Variants in CSMD1 observed in about 807,000 individuals in gnomAD.
The protein encoded by CSMD1 is CUB and Sushi multiple domains 1, also known as CUB and sushi domain-containing protein 1.
In CSMD1, 213 loss-of-function variants were observed where a neutral mutation model predicts 417.5. The ratio of observed to expected loss-of-function variants is 0.51; its 90% CI spans 0.46 to 0.57. The LOEUF (loss-of-function observed/expected upper bound fraction) is 0.57. Among genes scored for constraint, CSMD1 ranks in the 20% least tolerant of loss-of-function variants. The pLI, the probability that CSMD1 is intolerant of heterozygous loss-of-function variation, is 0.00. For synonymous variants in CSMD1, 2,862 were observed against 1,736.8 expected, an observed-to-expected ratio of 1.65 and a Z score of -16.11; for missense variants, 6,923 against 4,529.7, an observed-to-expected ratio of 1.53 and a Z score of -15.17.
At chr8:3,285,262 C>G (rs529609095) in intron 25 of CSMD1, among the ~76,000 whole-genome samples, 25 of 152,278 alleles carry the variant, frequency 1.6e-4, no homozygotes, top group East Asian at 3.9e-4. Flanking sequence ...ACTTATGTCA[C>G]CCTGTGTAAG....
rs1042847025 is a variant in CSMD1 at position 3,534,724 on chromosome 8, A to T, written c.1344+40221T>A. On this transcript the variant is annotated intron_variant, in intron 10 of 69. Transcript: ENST00000635120. ...CTTCTAGTCCCAGAGCCTTTAAGCA[A>T]CAACTGCATAAGCATCCAGGTTGAG... Among the ~76,000 whole-genome samples the T allele has an allele frequency of 2.0e-5, 3 of 152,308 alleles. No individual in the cohort carries two copies. In the South Asian group the frequency reaches 6.2e-4, roughly 32 times the overall value.
At chr8:3,761,460 A>G (rs563293825) in intron 5 of CSMD1, among the ~76,000 whole-genome samples, 35 of 151,962 alleles carry the variant, frequency 2.3e-4, no homozygotes, top group South Asian at 8.3e-4. Flanking sequence ...ACTGTACCAC[A>G]GAAGAGTTTT....
chr8:4,200,026 T>C (rs180798641), intron 3 of CSMD1, among the ~76,000 whole-genome samples: 3 of 152,308 alleles, frequency 2.0e-5, no homozygotes, highest in East Asian at 1.9e-4. Context: ...GAAAATTATG[T>C]TGAGGTGCCA....
At chr8:4,477,528 C>G (rs547048660) in intron 2 of CSMD1, among the ~76,000 whole-genome samples, 1 of 152,176 alleles carries the variant, frequency 6.6e-6, no homozygotes. Flanking sequence ...CATTTTCACA[C>G]GATGCTCTAT....
chr8:4,271,165 G>A (rs1443379410), intron 3 of CSMD1, among the ~76,000 whole-genome samples: 1 of 152,030 alleles, frequency 6.6e-6, no homozygotes, highest in East Asian at 1.9e-4. Context: ...GATATCATTT[G>A]CATTACATAT....
intron 2 of CSMD1, among the ~76,000 whole-genome samples, chr8:4,559,093 C>G (rs1798217235): frequency 6.6e-6 from 1 of 152,142 alleles, no homozygotes; most frequent in Admixed American, 6.5e-5. Context: ...AACTCTGCTG[C>G]TGCATGTTTA....
intron 6 of CSMD1, among the ~76,000 whole-genome samples, chr8:3,741,203 G>C (rs1034864965): frequency 4.7e-5 from 5 of 106,848 alleles, no homozygotes; most frequent in African/African-American, 1.8e-4. Flanking sequence ...AACAGAGCAA[G>C]ACTCCGTCTT....
intron 1 of CSMD1, among the ~76,000 whole-genome samples, chr8:4,956,004 C>A (rs1425402300): frequency 6.6e-6 from 1 of 152,218 alleles, no homozygotes; most frequent in African/African-American, 2.4e-5. Flanking sequence ...GGATTCTAGA[C>A]AACTACTCTC....
chr8:3,166,152 TTC>T (rs1371244678), intron 37 of CSMD1, among the ~76,000 whole-genome samples: 3 of 152,180 alleles, frequency 2.0e-5, no homozygotes, highest in Non-Finnish European at 4.4e-5. Context: ...GTATACATAA[TTC>T]TCTTTTTAGA....
intron 3 of CSMD1, among the ~76,000 whole-genome samples, chr8:4,279,825 C>G (rs966323356): frequency 7.2e-5 from 11 of 152,148 alleles, no homozygotes; most frequent in Admixed American, 2.0e-4. Context: ...GATAAAAAGA[C>G]TGAGTGCTTG....
chr8:3,462,410 C>T (rs1025057026), intron 12 of CSMD1, among the ~76,000 whole-genome samples: 13 of 152,168 alleles, frequency 8.5e-5, no homozygotes, highest in South Asian at 2.1e-4. Context: ...CAGCAGGCAA[C>T]GGAGCATTAC....
chr8:4,766,399 C>A (rs552710057), intron 1 of CSMD1, among the ~76,000 whole-genome samples: 109 of 152,268 alleles, frequency 7.2e-4, no homozygotes, highest in Non-Finnish European at 1.3e-3. Context: ...GAACATCGTC[C>A]AAAGCCGTGA....
chr8:3,074,029 G>T (rs1813478028), intron 49 of CSMD1, among the ~76,000 whole-genome samples: 2 of 152,238 alleles, frequency 1.3e-5, no homozygotes, highest in South Asian at 4.1e-4. Flanking sequence ...CTCACCCTGA[G>T]GGTGGCAGCG....
intron 26 of CSMD1, among the ~76,000 whole-genome samples, chr8:3,253,513 G>A (rs963783222): frequency 2.6e-5 from 4 of 152,120 alleles, no homozygotes; most frequent in African/African-American, 9.7e-5. Flanking sequence ...CTGTTGATTT[G>A]GGGTGGAGAG....
rs938873651 is a variant in CSMD1, at chr8:4,722,122, T to C, written c.86-84564A>G. On this transcript the variant is annotated intron_variant, in intron 1 of 69. Coordinates refer to ENST00000635120, the MANE Select transcript of CSMD1 (RefSeq NM_033225.6). Reference sequence around the variant, plus strand: ...ATGAAAACTATAGGTAATAGTGTTATGTTGTATACTGGAAATTTACTAAGA... The same window carrying C: ...ATGAAAACTATAGGTAATAGTGTTACGTTGTATACTGGAAATTTACTAAGA... 6.6e-5 allele frequency among the ~76,000 whole-genome samples: 10 copies of C among 152,266 alleles called. 1 individual carries two copies. The South Asian group carries it at 1.9e-3, about 28-fold the overall frequency.
At chr8:3,775,710 G>A (rs1456145048) in intron 5 of CSMD1, among the ~76,000 whole-genome samples, 3 of 152,170 alleles carry the variant, frequency 2.0e-5, no homozygotes, top group East Asian at 3.9e-4. Context: ...CCTAAATGAT[G>A]CACGCAAACA....
chr8:4,319,800 C>T lies in CSMD1; in HGVS notation c.415+100153G>A, dbSNP rs533132225. On this transcript the variant is annotated intron_variant, in intron 3 of 69. Transcript: ENST00000635120. Reference sequence around the variant, plus strand: ...ATACCAGAGAGAGAAGAGAGCTTCACAAGAGATGTGTAGAGGACCCTCGGG... The same window carrying T: ...ATACCAGAGAGAGAAGAGAGCTTCATAAGAGATGTGTAGAGGACCCTCGGG... Among the ~76,000 whole-genome samples, 174 of 152,216 alleles carry T rather than the reference C, an allele frequency of 1.1e-3. 1 individual carries two copies. The highest frequency in any genetic ancestry group is 3.8e-3 in the African/African-American group (157 of 41,532).
intron 1 of CSMD1, among the ~76,000 whole-genome samples, chr8:4,648,990 T>A (rs372247568): frequency 1.3e-4 from 20 of 152,332 alleles, no homozygotes; most frequent in African/African-American, 4.6e-4. Flanking sequence ...AGTAGTGCCT[T>A]CAATAAACAT....
chr8:3,780,473 T>G (rs1281909058), intron 5 of CSMD1, among the ~76,000 whole-genome samples: 1 of 152,222 alleles, frequency 6.6e-6, no homozygotes, highest in East Asian at 1.9e-4. Context: ...CAAAATTACA[T>G]CCTGAATCGA....
Sources: allele counts gnomAD v4.1 joint callset (sites outside exome capture counted in the v4.1 genomes callset), GRCh38; gene constraint gnomAD v4.1.1; transcripts MANE v1.5; gene names NCBI Gene and HGNC (gene_info 2026-07-23, HGNC 2026-07-21).